FLNC: variants seen among roughly 807,000 people sequenced by gnomAD.
The protein encoded by FLNC is filamin-C.
FLNC carries 91 observed loss-of-function variants against 254.3 expected under a neutral mutation model. That is an observed-to-expected ratio of 0.36 (90% CI 0.30 to 0.43). The LOEUF (loss-of-function observed/expected upper bound fraction) is 0.43. Ranked by LOEUF, FLNC falls within the 20% of genes least tolerant of loss-of-function variation. FLNC has a pLI of 1.00. For synonymous variants in FLNC, 1,430 were observed against 1,577.2 expected, an observed-to-expected ratio of 0.91 and a Z score of 2.21; for missense variants, 2,853 against 3,802.6, an observed-to-expected ratio of 0.75 and a Z score of 6.57.
At position 128,852,742 on chromosome 7, in the gene FLNC, C is replaced by T; in HGVS notation, c.5994C>T (p.Asn1998=). ...CCTGCCTGCTGAAGCGCCTGCCCAA[C>T]CGGCACATTGGTGAGCGTGGGGCCT... ...EEPCLLKRLP[N]RHIGISFTPK... is the part of the protein sequence containing the mutation. Residue 1998 remains asparagine, a synonymous_variant, in exon 36 of 48, where the codon AAC becomes AAT. Coordinates refer to ENST00000325888, the MANE Select transcript of FLNC (RefSeq NM_001458.5). 6.2e-7 allele frequency: 1 copy of T among 1,613,150 alleles called. No homozygotes were observed. The highest frequency in any genetic ancestry group is 1.6e-4 in the Middle Eastern group (1 of 6,062).
rs750856173 is a variant in FLNC at position 128,846,424 on chromosome 7, G to A, written c.4088G>A (p.Gly1363Asp). ...GCCTTCGGGCCAGGCCTGGAGGGTG[G>A]CTTGGTCAACAAGGCCAACCGATTC... The part of the protein sequence containing the change: ...VRAFGPGLEG[G>D]LVNKANRFTV... Residue 1363 changes from glycine to aspartate, a missense_variant, in exon 23 of 48, where the codon GGC becomes GAC. Gly to Asp is a moderately conservative substitution (Grantham distance 94). Transcript: ENST00000325888. The A allele has an allele frequency of 6.2e-7, 1 of 1,605,798 alleles. No homozygotes were observed. The highest frequency in any genetic ancestry group is 8.5e-7 in the Non-Finnish European group (1 of 1,179,962).
Position 128,858,778 on chromosome 7 carries a change from G to A in FLNC, c.*255G>A. On this transcript the variant is annotated 3_prime_UTR_variant, in exon 48 of 48. Coordinates refer to ENST00000325888, the MANE Select transcript of FLNC (RefSeq NM_001458.5). This position sits in a 1 kb window ranked among gnomAD's most constrained non-coding sequence, Gnocchi z 6.7. ...AGGGCCGACTGGGGCCAGGCTCAGG[G>A]GCAGAGGCTGGGACACAAGGGGCTG... is the stretch of plus-strand genomic sequence containing the variant. 1 of 552,134 alleles carries A rather than the reference G, an allele frequency of 1.8e-6. No homozygotes were observed. The highest frequency in any genetic ancestry group is 3.1e-5 in the East Asian group (1 of 32,466). The allele number at this position is 552,134 out of a possible 1,614,324, so 34.2% of individuals were successfully genotyped here.
rs1809131223 is a variant in FLNC at position 128,857,801 on chromosome 7, G to A, written c.7781-207G>A. 6.6e-6 allele frequency among the ~76,000 whole-genome samples: 1 copy of A among 152,158 alleles called. No individual in the cohort carries two copies. The highest frequency in any genetic ancestry group is 6.5e-5 in the Admixed American group (1 of 15,288). On this transcript the variant is annotated intron_variant, in intron 46 of 47. Transcript: ENST00000325888. The surrounding 1 kb of genome is among the most constrained non-coding windows in gnomAD (Gnocchi z 4.5). ...CAGCATCTGAGGCCCCAGCCCTAGG[G>A]TGGAGCACCAGTTGGAGCTGGCAGC...
chr7:128,838,876 C>T, intron 8 of FLNC, 73 bp downstream of exon 8: 1 of 1,450,966 alleles, frequency 6.9e-7, no homozygotes, highest in South Asian at 1.1e-5. Flanking sequence ...GGAGGAAGAG[C>T]TGGGGCGGGG....
chr7:128,849,542 G>A lies in FLNC; in HGVS notation c.5163G>A (p.Gly1721=). 6.2e-7 allele frequency: 1 copy of A among 1,614,122 alleles called. No homozygotes were observed. The highest frequency in any genetic ancestry group is 8.5e-7 in the Non-Finnish European group (1 of 1,180,022). ...AGTACGTCATCACCATCCGCTTCGG[G>A]GGTGAGCACATCCCCAACAGCCCCT... ...PGKYVITIRF[G]GEHIPNSPFH... The change falls in exon 30 of 48, where the codon GGG becomes GGA. Residue 1721 remains glycine, a synonymous_variant. Transcript: ENST00000325888.
rs1408298919 is a variant in FLNC at position 128,850,941 on chromosome 7, C to T, written c.5537C>T (p.Pro1846Leu). The change falls in exon 33 of 48, where the codon CCT becomes CTT. Residue 1846 changes from proline (P) to leucine (L), a missense_variant and splice_region_variant. Physicochemically the swap from Pro to Leu is moderately conservative, Grantham distance 98. Coordinates refer to ENST00000325888, the MANE Select transcript of FLNC (RefSeq NM_001458.5). The part of the protein sequence containing the change: ...MGIKYDGNHI[P>L]GSPLQFYVDA... ...ATCAAGTATGACGGCAACCACATCCCTGGTGAGTTAGGGGCTGGGCTGGGC... is the reference window on the plus strand; with the variant it reads ...ATCAAGTATGACGGCAACCACATCCTTGGTGAGTTAGGGGCTGGGCTGGGC... The T allele has an allele frequency of 1.9e-6, 3 of 1,613,028 alleles. No homozygotes were observed. Among genetic ancestry groups the T allele is most frequent in the Non-Finnish European group, 2.5e-6 (3 of 1,179,698 alleles).
rs780658670 is a variant in FLNC, at chr7:128,854,494, A to T, written c.6809A>T (p.Glu2270Val). ...GAAGCCGCAGAGATCGTCGAGGGCG[A>T]GGACAGCGCCTACAGCGTGCGCTTT... ...KVEAAEIVEG[E>V]DSAYSVRFVP... The change falls in exon 41 of 48, where the codon GAG (glutamate) becomes GTG (valine). Residue 2270 changes from glutamate to valine, a missense_variant. Physicochemically the swap from Glu to Val is moderately radical, Grantham distance 121 (BLOSUM62 -2). This residue lies in a region of FLNC where 551 missense variants were observed against 835.0 expected (regional missense o/e 0.66). Coordinates refer to ENST00000325888, the MANE Select transcript of FLNC (RefSeq NM_001458.5). The T allele has an allele frequency of 1.9e-6, 3 of 1,606,168 alleles. No homozygotes were observed. The highest frequency in any genetic ancestry group is 3.4e-5 in the Admixed American group (2 of 58,636).
intron 21 of FLNC, 27 bp downstream of exon 21, chr7:128,845,282 G>A (rs1808514324): frequency 6.3e-7 from 1 of 1,584,922 alleles, no homozygotes; most frequent in Non-Finnish European, 8.6e-7. Context: ...AGCCAAGAAA[G>A]GTCAAGTGGC....
rs766492460 is a variant in FLNC, at chr7:128,857,145, C to A, written c.7589C>A (p.Thr2530Asn). ...GTGTCATCAGAGTTCATCGTGAACA[C>A]CCTGAATGCCGGCTCGGGGGCCTTG... Reference protein sequence around the residue: ...TGVSSEFIVNTLNAGSGALSV... With the variant: ...TGVSSEFIVNNLNAGSGALSV... The change falls in exon 46 of 48, where the codon ACC (threonine) becomes AAC (asparagine). Residue 2530 changes from threonine (T) to asparagine (N), a missense_variant. Coordinates refer to ENST00000325888, the MANE Select transcript of FLNC (RefSeq NM_001458.5). The surrounding 1 kb of genome is among the most constrained non-coding windows in gnomAD (Gnocchi z 4.5). 6 of 1,614,154 alleles carry A rather than the reference C, an allele frequency of 3.7e-6. No individual in the cohort carries two copies. Among genetic ancestry groups the A allele is most frequent in the Middle Eastern group, 1.7e-4 (1 of 6,060 alleles).
chr7:128,846,570 AG>A (rs1808578406), intron 23 of FLNC, 107 bp downstream of exon 23: 1 of 1,464,808 alleles, frequency 6.8e-7, no homozygotes, highest in African/African-American at 1.4e-5. Context: ...ATCCTCTCTC[AG>A]GGGTGAGGCA....
rs1332839756 is a variant in FLNC, at chr7:128,857,489, G to A, written c.7780+153G>A. 3.3e-5 allele frequency among the ~76,000 whole-genome samples: 5 copies of A among 151,174 alleles called. No individual in the cohort carries two copies. The highest frequency in any genetic ancestry group is 3.9e-4 in the East Asian group (2 of 5,148). On this transcript the variant is annotated intron_variant, in intron 46 of 47. Coordinates refer to ENST00000325888, the MANE Select transcript of FLNC (RefSeq NM_001458.5). This position sits in a 1 kb window ranked among gnomAD's most constrained non-coding sequence, Gnocchi z 4.5. The stretch of plus-strand genomic sequence containing the variant: ...GTGGGCCTGGCTCTACACAGTACAC[G>A]TTCTGTGGAGTCGGGCATGATCACG...
chr7:128,843,543 A>T lies in FLNC; in HGVS notation c.2777A>T (p.Tyr926Phe). 6.2e-7 allele frequency: 1 copy of T among 1,613,512 alleles called. No homozygotes were observed. Among genetic ancestry groups the T allele is most frequent in the Non-Finnish European group, 8.5e-7 (1 of 1,179,948 alleles). ...RDFEIIDNHD[Y>F]SYTVKYTAVQ... ...TTTGAGATCATAGACAACCATGACT[A>T]CTCCTACACTGTCAAGTACACCGCT... is the stretch of plus-strand genomic sequence containing the variant. The change falls in exon 18 of 48, where the codon TAC (tyrosine) becomes TTC (phenylalanine). Residue 926 changes from tyrosine to phenylalanine, a missense_variant. Physicochemically the swap from Tyr to Phe is conservative, Grantham distance 22. Around this residue, in one of 10 missense-constraint regions of FLNC, gnomAD observed 1,573 missense variants for 1,883.5 expected, o/e 0.84. Transcript: ENST00000325888.
Position 128,841,337 on chromosome 7 carries a change from G to T in FLNC, c.1981G>T (p.Ala661Ser). 16 of 1,613,872 alleles carry T rather than the reference G, an allele frequency of 9.9e-6. No individual in the cohort carries two copies. The highest frequency in any genetic ancestry group is 1.4e-5 in the Non-Finnish European group (16 of 1,179,978). ...DSPFIAHILP[A>S]PPDCFPDKVK... ...ACCCTTCATTGCCCACATCCTGCCC[G>T]CCCCACCTGACTGCTTCCCAGATAA... Residue 661 changes from alanine (A) to serine (S), a missense_variant, in exon 12 of 48, where the codon GCC becomes TCC. Transcript: ENST00000325888. This position sits in a 1 kb window ranked among gnomAD's most constrained non-coding sequence, Gnocchi z 4.3.
chr7:128,850,346 T>C (rs1449309619), intron 31 of FLNC, 38 bp from the exon 32 acceptor site: 1 of 1,540,430 alleles, frequency 6.5e-7, no homozygotes. Context: ...CTCCTGGGCC[T>C]TCCCCAGTCA....
Position 128,830,630 on chromosome 7 carries a change from G to A in FLNC, c.-8G>A, listed in dbSNP as rs368218457. The A allele has an allele frequency of 2.5e-6, 4 of 1,611,168 alleles. No homozygotes were observed. In the East Asian group the frequency reaches 8.9e-5, roughly 36 times the overall value. On this transcript the variant is annotated 5_prime_UTR_variant, in exon 1 of 48. Transcript: ENST00000325888. ...CTAGCCCCGGCCGCACCCCCAGCCC[G>A]CGCCAGCATGATGAACAACAGCGGC...
chr7:128,850,074 G>T lies in FLNC; in HGVS notation c.5298G>T (p.Trp1766Cys). 6.5e-7 allele frequency: 1 copy of T among 1,535,514 alleles called. No homozygotes were observed. The highest frequency in any genetic ancestry group is 8.7e-7 in the Non-Finnish European group (1 of 1,144,082). ...GGCCCGGCGCCCGCCCCACACACTG[G>T]GTACTGCGCCTCCCACCAGGCGATG... Reference protein sequence around the residue: ...PPRPGARPTHWATEEPVVPVE... With the variant: ...PPRPGARPTHCATEEPVVPVE... Residue 1766 changes from tryptophan to cysteine, a missense_variant and splice_region_variant, in exon 31 of 48, where the codon TGG becomes TGT. Trp to Cys is a radical substitution (Grantham distance 215). Transcript: ENST00000325888.
chr7:128,855,098 C>G, intron 42 of FLNC, 101 bp from the exon 43 acceptor site: 3 of 1,075,582 alleles, frequency 2.8e-6, no homozygotes, highest in East Asian at 4.7e-5. Flanking sequence ...CAGATCTGAG[C>G]GCTGACCACA....
At position 128,840,592 on chromosome 7, in the gene FLNC, G is replaced by A; in HGVS notation, c.1594G>A (p.Val532Met). The change falls in exon 10 of 48, where the codon GTG becomes ATG. Residue 532 changes from valine to methionine, a missense_variant. Val to Met is a conservative substitution (Grantham distance 21). Coordinates refer to ENST00000325888, the MANE Select transcript of FLNC (RefSeq NM_001458.5). ...PVKVREAGDG[V>M]FECEYYPVVP... ...GAAGGTGCGGGAGGCTGGGGATGGT[G>A]TGTTCGAGTGCGAGTACTACCCGGT... 4 of 1,614,240 alleles carry A rather than the reference G, an allele frequency of 2.5e-6. No individual in the cohort carries two copies. Among genetic ancestry groups the A allele is most frequent in the Non-Finnish European group, 3.4e-6 (4 of 1,180,044 alleles).
In FLNC at chr7:128,853,475, G is replaced by C; in HGVS notation, c.6215G>C (p.Gly2072Ala). Residue 2072 changes from glycine (G) to alanine (A), a missense_variant, in exon 38 of 48, where the codon GGG becomes GCG. Gly to Ala is a moderately conservative substitution (Grantham distance 60). Transcript: ENST00000325888. ...GTTCCTTGCTTTCCCCCAGGTTATG[G>C]GGGCTTGGGGCTGAGTATTGAAGGC... ...FIVDTRNAGY[G>A]GLGLSIEGPS... 1 of 1,613,964 alleles carries C rather than the reference G, an allele frequency of 6.2e-7. No homozygotes were observed. Among genetic ancestry groups the C allele is most frequent in the East Asian group, 2.2e-5 (1 of 44,874 alleles).
Sources: allele counts gnomAD v4.1 joint callset (sites outside exome capture counted in the v4.1 genomes callset), GRCh38; gene constraint gnomAD v4.1.1; regional missense constraint gnomAD v4.1.1; non-coding constraint Gnocchi (gnomAD v3.1); transcripts MANE v1.5; gene names NCBI Gene and HGNC (gene_info 2026-07-23, HGNC 2026-07-21).